The following ARL15 variants were observed in gnomAD, a reference collection of about 807,000 sequenced individuals.
ARL15 encodes ARF like GTPase 15.
ARL15 carries 19 observed loss-of-function variants against 25.2 expected under a neutral mutation model. The ratio of observed to expected loss-of-function variants is 0.75; its 90% confidence interval spans 0.53 to 1.10. ARL15 has a LOEUF of 1.10. Ranked by LOEUF, ARL15 falls within the 50% of genes least tolerant of loss-of-function variation. ARL15 has a pLI of 0.00. For synonymous variants in ARL15, 94 were observed against 86.8 expected, an observed-to-expected ratio of 1.08 and a Z score of -0.46; for missense variants, 220 against 246.0, an observed-to-expected ratio of 0.89 and a Z score of 0.71.
intron 1 of ARL15, among the ~76,000 whole-genome samples, chr5:54,259,510 T>G (rs1757445738): frequency 6.6e-6 from 1 of 152,150 alleles, no homozygotes; most frequent in Admixed American, 6.5e-5. Context: ...TGAAATTCCC[T>G]GAAGTGACGG....
At chr5:54,148,049 T>G (rs1461156885) in intron 3 of ARL15, among the ~76,000 whole-genome samples, 1 of 152,114 alleles carries the variant, frequency 6.6e-6, no homozygotes, top group Non-Finnish European at 1.5e-5. Flanking sequence ...ATTAAAGAAG[T>G]CTTCTTTCCT....
intron 4 of ARL15, among the ~76,000 whole-genome samples, chr5:54,078,571 C>T (rs887473027): frequency 6.6e-6 from 1 of 152,170 alleles, no homozygotes; most frequent in African/African-American, 2.4e-5. Flanking sequence ...AAATATTCAA[C>T]CCTGACTCTA....
chr5:54,268,508 G>A (rs1394675823), intron 1 of ARL15, among the ~76,000 whole-genome samples: 2 of 152,210 alleles, frequency 1.3e-5, no homozygotes, highest in South Asian at 2.1e-4. Context: ...CATTGCTGGT[G>A]AGGAATTGCG....
intron 1 of ARL15, among the ~76,000 whole-genome samples, chr5:54,245,855 T>G (rs2112585889): frequency 6.6e-6 from 1 of 152,180 alleles, no homozygotes; most frequent in East Asian, 1.9e-4. Context: ...TCCAAAGTGC[T>G]GAGATTACGG....
At chr5:53,908,531 T>C (rs1745347568) in intron 4 of ARL15, among the ~76,000 whole-genome samples, 1 of 152,190 alleles carries the variant, frequency 6.6e-6, no homozygotes, top group Admixed American at 6.5e-5. Flanking sequence ...CTGACTCAGA[T>C]TTTGTTATTT....
Position 54,308,894 on chromosome 5 carries a change from A to G in ARL15, c.48+1538T>C, listed in dbSNP as rs144829617. Reference sequence around the variant, plus strand: ...ATTTAAGTATTCAAAATTAGCTTTTAGTAGTACAGGCAATGTCACCCTTTC... The same window carrying G: ...ATTTAAGTATTCAAAATTAGCTTTTGGTAGTACAGGCAATGTCACCCTTTC... On this transcript the variant is annotated intron_variant, in intron 1 of 4. Coordinates refer to ENST00000504924, the MANE Select transcript of ARL15 (RefSeq NM_019087.3). 2.5e-3 allele frequency among the ~76,000 whole-genome samples: 380 copies of G among 152,360 alleles called. 2 individuals are homozygous for G. The highest frequency in any genetic ancestry group is 8.5e-3 in the African/African-American group (354 of 41,590).
intron 4 of ARL15, among the ~76,000 whole-genome samples, chr5:53,910,624 A>G (rs1580070871): frequency 2.2e-4 from 1 of 4,568 alleles, no homozygotes; most frequent in African/African-American, 3.1e-4. Context: ...AAAGTATAAT[A>G]AAAAAAAATT....
At chr5:53,999,819 C>T (rs761393940) in intron 4 of ARL15, among the ~76,000 whole-genome samples, 10 of 151,800 alleles carry the variant, frequency 6.6e-5, no homozygotes, top group Non-Finnish European at 8.8e-5. Context: ...TCTCCTGAAC[C>T]GGGAGGTGGA....
At chr5:53,930,494 A>C (rs1343616119) in intron 4 of ARL15, among the ~76,000 whole-genome samples, 1 of 152,172 alleles carries the variant, frequency 6.6e-6, no homozygotes, top group Non-Finnish European at 1.5e-5. Flanking sequence ...CCTGATAAAT[A>C]CTCTGTAAAA....
At chr5:54,114,831 C>T (rs187120988) in intron 3 of ARL15, among the ~76,000 whole-genome samples, 1 of 152,256 alleles carries the variant, frequency 6.6e-6, no homozygotes, top group East Asian at 1.9e-4. Flanking sequence ...GAAAGGGGTG[C>T]TACTGGTTAT....
At chr5:54,277,926 CCAAA>C (rs1455985456) in intron 1 of ARL15, among the ~76,000 whole-genome samples, 2 of 152,174 alleles carry the variant, frequency 1.3e-5, no homozygotes, top group Admixed American at 1.3e-4. Flanking sequence ...GTACAGAAAA[CCAAA>C]CAGTCACCCC....
At chr5:54,297,701 T>C (rs1448404067) in intron 1 of ARL15, among the ~76,000 whole-genome samples, 1 of 152,244 alleles carries the variant, frequency 6.6e-6, no homozygotes, top group African/African-American at 2.4e-5. Flanking sequence ...CATTGAACTT[T>C]CTTTCCCTCC....
intron 4 of ARL15, among the ~76,000 whole-genome samples, chr5:53,907,123 G>A (rs931711331): frequency 1.3e-5 from 2 of 152,028 alleles, no homozygotes; most frequent in African/African-American, 4.8e-5. Flanking sequence ...AGGCTAGCAA[G>A]AAGTACAGCT....
At chr5:53,944,838 T>C (rs1746671653) in intron 4 of ARL15, among the ~76,000 whole-genome samples, 1 of 152,184 alleles carries the variant, frequency 6.6e-6, no homozygotes, top group East Asian at 1.9e-4. Flanking sequence ...GCACATATAA[T>C]GTCCTCAAAG....
intron 4 of ARL15, among the ~76,000 whole-genome samples, chr5:54,112,755 A>G (rs1239118365): frequency 6.6e-6 from 1 of 152,206 alleles, no homozygotes; most frequent in East Asian, 1.9e-4. Context: ...TCAGCCTAGC[A>G]GATTACAGAA....
At chr5:54,288,180 G>A (rs1196279557) in intron 1 of ARL15, among the ~76,000 whole-genome samples, 8 of 152,230 alleles carry the variant, frequency 5.3e-5, no homozygotes, top group African/African-American at 1.7e-4. Flanking sequence ...GAATGGCTGA[G>A]TGCAGTTGCA....
At chr5:53,899,018 G>A (rs1450439505) in intron 4 of ARL15, among the ~76,000 whole-genome samples, 1 of 151,992 alleles carries the variant, frequency 6.6e-6, no homozygotes, top group Non-Finnish European at 1.5e-5. Context: ...AGAAATTTAA[G>A]TTTCCCTCAT....
chr5:54,107,907 A>G (rs1034895817), intron 4 of ARL15, among the ~76,000 whole-genome samples: 30 of 152,260 alleles, frequency 2.0e-4, no homozygotes, highest in African/African-American at 7.0e-4. Flanking sequence ...CACTTTAATC[A>G]TATTGCTTGG....
intron 4 of ARL15, among the ~76,000 whole-genome samples, chr5:53,945,556 A>ATAATG (rs2308158): frequency 0.75 from 113,163 of 151,392 alleles, 42,375 homozygotes; most frequent in Middle Eastern, 0.85. Flanking sequence ...CCAAGACAGA[A>ATAATG]TAAGAGAAAA....
Sources: allele counts gnomAD v4.1 joint callset (sites outside exome capture counted in the v4.1 genomes callset), GRCh38; gene constraint gnomAD v4.1.1; transcripts MANE v1.5; gene names NCBI Gene and HGNC (gene_info 2026-07-23, HGNC 2026-07-21).